Variants in CAMK4 observed in about 807,000 individuals in gnomAD.
CAMK4 encodes calcium/calmodulin dependent protein kinase IV, also known as calcium/calmodulin-dependent protein kinase type IV.
A neutral mutation model predicts 44.9 loss-of-function variants in CAMK4; 22 were observed. The observed-to-expected ratio is 0.49, with a 90% CI of 0.35 to 0.70. The LOEUF (loss-of-function observed/expected upper bound fraction) is 0.70, where lower values mean the gene tolerates loss of function less well. Among genes scored for constraint, CAMK4 ranks in the 30% least tolerant of loss-of-function variants. CAMK4 has a pLI of 0.01. For synonymous variants in CAMK4, 218 were observed against 215.4 expected (o/e 1.01, Z -0.11); for missense variants, 498 against 586.8 (o/e 0.85, Z 1.56).
At chr5:111,460,416 C>T (rs961485274) in intron 7 of CAMK4, among the ~76,000 whole-genome samples, 3 of 151,640 alleles carry the variant, frequency 2.0e-5, no homozygotes, top group African/African-American at 2.4e-5. Flanking sequence ...GGACCACAAG[C>T]GCACACTGCC....
chr5:111,297,537 A>T (rs1295972286), intron 1 of CAMK4, among the ~76,000 whole-genome samples: 1 of 152,214 alleles, frequency 6.6e-6, no homozygotes, highest in African/African-American at 2.4e-5. Context: ...TAAAATTCTG[A>T]CATTCTGGCT....
intron 1 of CAMK4, among the ~76,000 whole-genome samples, chr5:111,341,578 A>G (rs1749647119): frequency 1.3e-5 from 2 of 151,208 alleles, no homozygotes; most frequent in South Asian, 2.1e-4. Context: ...AAATTACACT[A>G]GGAATACACC....
chr5:111,278,379 TG>T (rs1188185574), intron 1 of CAMK4, among the ~76,000 whole-genome samples: 1 of 140,322 alleles, frequency 7.1e-6, no homozygotes, highest in African/African-American at 2.6e-5. Context: ...CAGGCTTGTT[TG>T]TTTTTTTTAC....
chr5:111,324,621 C>G (rs1374295135), intron 1 of CAMK4, among the ~76,000 whole-genome samples: 1 of 152,004 alleles, frequency 6.6e-6, no homozygotes, highest in South Asian at 2.1e-4. Context: ...TAACACCCCC[C>G]TCTCAAAAAT....
chr5:111,361,030 C>G (rs1409036270), intron 2 of CAMK4, among the ~76,000 whole-genome samples: 2 of 152,050 alleles, frequency 1.3e-5, no homozygotes, highest in Non-Finnish European at 2.9e-5. Context: ...GAGAGCCTCT[C>G]TTTCCACCAA....
rs201426934 is a variant in CAMK4 at position 111,413,971 on chromosome 5, CTA to C, written c.459+19191_459+19192del. 3.9e-3 allele frequency among the ~76,000 whole-genome samples: 589 copies of C among 151,850 alleles called. 6 individuals are homozygous for C. In the East Asian group the frequency reaches 0.05, roughly 13 times the overall value. On this transcript the variant is annotated intron_variant, in intron 5 of 10. Coordinates refer to ENST00000282356, the MANE Select transcript of CAMK4 (RefSeq NM_001744.6). ...AATATAAATCTATATATATAGATAA[CTA>C]TTATAATGGTCAACTAAAATTATCT...
intron 5 of CAMK4, among the ~76,000 whole-genome samples, chr5:111,432,055 C>A (rs1337125517): frequency 1.3e-5 from 2 of 152,094 alleles, no homozygotes; most frequent in Non-Finnish European, 1.5e-5. Context: ...TCTGCACTCC[C>A]ATGTTTGTTT....
rs1246927317 is a variant in CAMK4 at position 111,446,642 on chromosome 5, A to G, written c.460-44A>G. On this transcript the variant is annotated intron_variant, in intron 5 of 10. Coordinates refer to ENST00000282356, the MANE Select transcript of CAMK4 (RefSeq NM_001744.6). ...GATTAAGTATAGACATTCGAACCAT[A>G]AATAGCATTACACAAATGTTATTTC... 3 of 995,152 alleles carry G rather than the reference A, an allele frequency of 3.0e-6. No homozygotes were observed. In the Admixed American group the frequency reaches 6.3e-5, roughly 21 times the overall value. The allele number at this position is 995,152 out of a possible 1,614,324, so 61.6% of individuals were successfully genotyped here.
intron 5 of CAMK4, among the ~76,000 whole-genome samples, chr5:111,402,265 G>A (rs1268926804): frequency 9.2e-5 from 14 of 152,224 alleles, no homozygotes. Context: ...TCATAAAGTG[G>A]AAGAATGGGT....
chr5:111,327,443 A>G (rs1030915183), intron 1 of CAMK4, among the ~76,000 whole-genome samples: 10 of 152,112 alleles, frequency 6.6e-5, no homozygotes, highest in Non-Finnish European at 1.3e-4. Context: ...AGTCTTTGCT[A>G]TTGTGAATAG....
intron 2 of CAMK4, among the ~76,000 whole-genome samples, chr5:111,370,088 T>A (rs955266255): frequency 3.3e-5 from 5 of 152,110 alleles, no homozygotes. Context: ...GAGACCATAT[T>A]TTAAATTGAG....
At position 111,227,563 on chromosome 5, in the gene CAMK4, G is replaced by A. The variant is rs528421156; in HGVS notation, c.161+2919G>A. ...AAGATTGGACGGTGACCACTGGGGC[G>A]ATACACCCTGAGGATGTGTTTGGGA... On this transcript the variant is annotated intron_variant, in intron 1 of 10. Transcript: ENST00000282356. 2.6e-5 allele frequency among the ~76,000 whole-genome samples: 4 copies of A among 152,282 alleles called. No individual in the cohort carries two copies. The East Asian group carries it at 5.8e-4, about 22-fold the overall frequency.
chr5:111,320,758 G>A (rs552237043), intron 1 of CAMK4, among the ~76,000 whole-genome samples: 143 of 152,060 alleles, frequency 9.4e-4, no homozygotes, highest in African/African-American at 3.3e-3. Context: ...CACCCGCCTC[G>A]GCCTCCCAAA....
rs2112509500 is a variant in CAMK4, at chr5:111,486,214, G to A, written c.*1748G>A. The A allele has an allele frequency of 6.6e-6, 1 of 152,136 alleles. No homozygotes were observed. The highest frequency in any genetic ancestry group is 1.9e-4 in the East Asian group (1 of 5,172). The allele number at this position is 152,136 out of a possible 1,614,324, so 9.4% of individuals were successfully genotyped here. A position where few individuals can be genotyped will look rare whatever the true frequency, so the allele number is the denominator to read the frequency against. ...AAGGTAGGACTTCTTATCTTTCATA[G>A]TTTAAGAATCTGACAGGTCACTGAT... is the stretch of plus-strand genomic sequence containing the variant. On this transcript the variant is annotated 3_prime_UTR_variant, in exon 11 of 11. Transcript: ENST00000282356.
At chr5:111,365,208 G>A (rs1372467252) in intron 2 of CAMK4, 1 of 152,136 alleles carries the variant, frequency 6.6e-6, no homozygotes, top group Non-Finnish European at 1.5e-5. Context: ...CAGGGCCAAG[G>A]CATTATTAGT....
intron 5 of CAMK4, among the ~76,000 whole-genome samples, chr5:111,403,575 C>A (rs951039952): frequency 6.6e-6 from 1 of 152,150 alleles, no homozygotes; most frequent in East Asian, 1.9e-4. Flanking sequence ...GATCACAGTT[C>A]CCAGAGAAGA....
At chr5:111,300,921 T>C (rs945165211) in intron 1 of CAMK4, among the ~76,000 whole-genome samples, 1 of 152,204 alleles carries the variant, frequency 6.6e-6, no homozygotes, top group Non-Finnish European at 1.5e-5. Context: ...TTTGAAAACA[T>C]CTCTCTGTTG....
At chr5:111,287,783 A>G (rs746646383) in intron 1 of CAMK4, among the ~76,000 whole-genome samples, 1 of 152,172 alleles carries the variant, frequency 6.6e-6, no homozygotes, top group Non-Finnish European at 1.5e-5. Context: ...TAAAAATTAC[A>G]TCCTAACCTT....
In CAMK4 at chr5:111,260,775, A is replaced by G. The variant is rs544316853; in HGVS notation, c.161+36131A>G. Among the ~76,000 whole-genome samples, 15 of 152,206 alleles carry G rather than the reference A, an allele frequency of 9.9e-5. No homozygotes were observed. In the South Asian group the frequency reaches 1.2e-3, roughly 13 times the overall value. Reference sequence around the variant, plus strand: ...ATTCCTCAGATCCTGCACCTTATCTATACCCCTACTGCTGCTATCTTCATT... The same window carrying G: ...ATTCCTCAGATCCTGCACCTTATCTGTACCCCTACTGCTGCTATCTTCATT... On this transcript the variant is annotated intron_variant, in intron 1 of 10. Transcript: ENST00000282356.
Sources: gnomAD v4.1 joint callset for allele counts (sites outside exome capture counted in the v4.1 genomes callset) on GRCh38, gnomAD v4.1.1 for gene constraint, MANE v1.5 for transcripts, NCBI Gene and HGNC (gene_info 2026-07-23, HGNC 2026-07-21) for gene names.